MPPED1: variants seen among roughly 807,000 people sequenced by gnomAD.
MPPED1 encodes the protein metallophosphoesterase domain containing 1, also known as metallophosphoesterase domain-containing protein 1.
Under a neutral mutation model 36.2 loss-of-function variants are expected in MPPED1, and 16 were observed. That is an observed-to-expected ratio of 0.44 (90% confidence interval 0.30 to 0.67). The LOEUF (loss-of-function observed/expected upper bound fraction) is 0.67, where lower values mean the gene tolerates loss of function less well. Ranked by LOEUF, MPPED1 falls within the 30% of genes least tolerant of loss-of-function variation. The pLI is 0.10. For synonymous variants in MPPED1, 199 were observed against 191.3 expected (o/e 1.04, Z -0.33); for missense variants, 307 against 453.4 (o/e 0.68, Z 2.93).
chr22:43,432,494 G>A (rs371756184), intron 2 of MPPED1, among the ~76,000 whole-genome samples: 125 of 130,618 alleles, frequency 9.6e-4, no homozygotes, highest in Non-Finnish European at 8.2e-4. Flanking sequence ...GAGAGAAAGG[G>A]AGGAGAGAGA....
At chr22:43,463,332 T>C (rs917982227) in intron 3 of MPPED1, among the ~76,000 whole-genome samples, 13 of 45,376 alleles carry the variant, frequency 2.9e-4, no homozygotes, top group Admixed American at 2.1e-3. Flanking sequence ...TGATTTTTTC[T>C]TTTTTTTTTT....
chr22:43,453,795 T>C (rs894044643), intron 3 of MPPED1, among the ~76,000 whole-genome samples: 3 of 152,160 alleles, frequency 2.0e-5, no homozygotes, highest in Admixed American at 6.5e-5. Flanking sequence ...TGTGGTGAAA[T>C]ATACATGACA....
chr22:43,457,246 A>G (rs1930785929), intron 3 of MPPED1, among the ~76,000 whole-genome samples: 1 of 152,192 alleles, frequency 6.6e-6, no homozygotes, highest in Non-Finnish European at 1.5e-5. Context: ...GCTTTTTATC[A>G]TTATAAAATA....
At chr22:43,444,599 G>A (rs887923157) in intron 3 of MPPED1, among the ~76,000 whole-genome samples, 5 of 151,988 alleles carry the variant, frequency 3.3e-5, no homozygotes, top group Admixed American at 6.6e-5. Flanking sequence ...CTGAACTCAG[G>A]TGGCCCACCT....
intron 3 of MPPED1, among the ~76,000 whole-genome samples, chr22:43,469,799 G>C (rs7292189): frequency 0.013 from 1,922 of 152,224 alleles, 42 homozygotes; most frequent in African/African-American, 0.044. Flanking sequence ...ACCTAGCTAA[G>C]GATGGATTGA....
intron 3 of MPPED1, among the ~76,000 whole-genome samples, chr22:43,460,829 T>C (rs1011117020): frequency 6.6e-6 from 1 of 152,116 alleles, no homozygotes; most frequent in Non-Finnish European, 1.5e-5. Flanking sequence ...AGGTGAGTGA[T>C]GAGGGCCCCT....
At chr22:43,500,330 G>GAT (rs1932674845) in intron 5 of MPPED1, among the ~76,000 whole-genome samples, 1 of 139,772 alleles carries the variant, frequency 7.2e-6, no homozygotes, top group Admixed American at 7.0e-5. Context: ...TGATGGTGGT[G>GAT]GTGGAGGTGG....
At chr22:43,492,161 A>G (rs1308926553) in intron 4 of MPPED1, among the ~76,000 whole-genome samples, 2 of 152,026 alleles carry the variant, frequency 1.3e-5, no homozygotes, top group Non-Finnish European at 2.9e-5. Context: ...CTTTACATGG[A>G]TTAACTGATT....
intron 6 of MPPED1, among the ~76,000 whole-genome samples, chr22:43,503,793 C>T (rs1029030064): frequency 6.6e-6 from 1 of 152,196 alleles, no homozygotes; most frequent in Non-Finnish European, 1.5e-5. Flanking sequence ...GTAGCTCCAT[C>T]AGATCCAAAG....
At chr22:43,437,777 G>T (rs569594944) in intron 3 of MPPED1, among the ~76,000 whole-genome samples, 8 of 152,290 alleles carry the variant, frequency 5.3e-5, no homozygotes, top group Admixed American at 5.2e-4. Flanking sequence ...GTAAAGTGCT[G>T]TATACCTGTT....
intron 3 of MPPED1, among the ~76,000 whole-genome samples, chr22:43,458,454 T>A (rs1199855541): frequency 6.6e-6 from 1 of 151,960 alleles, no homozygotes; most frequent in Non-Finnish European, 1.5e-5. Context: ...CCCGGCTAAT[T>A]TTTATATTTT....
chr22:43,443,092 T>C (rs981152445), intron 3 of MPPED1, among the ~76,000 whole-genome samples: 1 of 152,042 alleles, frequency 6.6e-6, no homozygotes, highest in Non-Finnish European at 1.5e-5. Flanking sequence ...AGAGAATTGA[T>C]CAATGCACAG....
intron 3 of MPPED1, among the ~76,000 whole-genome samples, chr22:43,447,533 C>T (rs371624249): frequency 2.0e-5 from 3 of 151,954 alleles, no homozygotes; most frequent in South Asian, 2.1e-4. Context: ...TCAGCATAAA[C>T]GTTGTCAGAA....
chr22:43,460,252 A>C (rs1412548082), intron 3 of MPPED1, among the ~76,000 whole-genome samples: 2 of 107,356 alleles, frequency 1.9e-5, no homozygotes, highest in African/African-American at 8.5e-5. Flanking sequence ...CAAAAACAAA[A>C]ACAAACCCAA....
intron 4 of MPPED1, among the ~76,000 whole-genome samples, chr22:43,491,653 AGGTGGTGGTG>A (rs1932094665): frequency 1.1e-5 from 1 of 88,132 alleles, no homozygotes; most frequent in Non-Finnish European, 2.4e-5. Flanking sequence ...GTGGTTATGG[AGGTGGTGGTG>A]ATGGTGATGG....
rs1569088645 is a variant in MPPED1, at chr22:43,495,493, A to ATG, written c.633-2742_633-2741insTG. Among the ~76,000 whole-genome samples, 79 of 7,950 alleles carry ATG rather than the reference A, an allele frequency of 9.9e-3. 3 individuals carry two copies. The highest frequency in any genetic ancestry group is 0.047 in the African/African-American group (42 of 890). 5.2% of individuals were successfully genotyped at this position (7,950 alleles called of 152,430 possible). ...TGATGGTGGAGGTGGTGGTGGAGGTAGTGGTGGTGGAGGTGGTGGTGGTGG... is the reference window on the plus strand; with the variant it reads ...TGATGGTGGAGGTGGTGGTGGAGGTATGGTGGTGGTGGAGGTGGTGGTGGTGG... On this transcript the variant is annotated intron_variant, in intron 4 of 6. Transcript: ENST00000443721.
chr22:43,485,085 C>A (rs1443247110), intron 4 of MPPED1, among the ~76,000 whole-genome samples: 1 of 151,816 alleles, frequency 6.6e-6, no homozygotes, highest in Admixed American at 6.6e-5. Context: ...ATTCCCATAC[C>A]ATACACACTC....
At chr22:43,453,992 T>C (rs939659587) in intron 3 of MPPED1, among the ~76,000 whole-genome samples, 1 of 152,084 alleles carries the variant, frequency 6.6e-6, no homozygotes, top group African/African-American at 2.4e-5. Flanking sequence ...CTTTCTTTTT[T>C]AAAATTTAAA....
At chr22:43,463,868 T>TTTCTTTCTTTC (rs1555901281) in intron 3 of MPPED1, among the ~76,000 whole-genome samples, 13 of 148,396 alleles carry the variant, frequency 8.8e-5, no homozygotes, top group African/African-American at 3.2e-4. Context: ...TCTTTCTTTC[T>TTTCTTTCTTTC]TTCTTTCTCT....
Sources: allele counts gnomAD v4.1 joint callset (sites outside exome capture counted in the v4.1 genomes callset), GRCh38; gene constraint gnomAD v4.1.1; transcripts MANE v1.5; gene names NCBI Gene and HGNC (gene_info 2026-07-23, HGNC 2026-07-21).